The following TTLL3 variants were observed in gnomAD, a reference collection of about 807,000 sequenced individuals.
TTLL3 encodes tubulin tyrosine ligase like 3, also known as tubulin monoglycylase TTLL3.
In TTLL3, 63 loss-of-function variants were observed where a neutral mutation model predicts 75.2. The ratio of observed to expected loss-of-function variants is 0.84; its 90% CI spans 0.68 to 1.03. TTLL3 has a LOEUF of 1.03. Among genes scored for constraint, TTLL3 ranks in the 50% least tolerant of loss-of-function variants. TTLL3 has a pLI of 0.00. For synonymous variants in TTLL3, 393 were observed against 418.5 expected (o/e 0.94, Z 0.74); for missense variants, 997 against 1,069.9 (o/e 0.93, Z 0.95).
chr3:9,828,569 C>A, intron 10 of TTLL3: 1 of 204,180 alleles, frequency 4.9e-6, no homozygotes, highest in African/African-American at 2.3e-5. Context: ...ATGTGAAGAG[C>A]ACACAGGTTA....
chr3:9,833,084 TCTC>T lies in TTLL3; in HGVS notation c.1684-16_1684-14del, dbSNP rs773961349. ...AGTACCACTGACTGAGTGGGCCTTGTCTCCTCTTCTTGCCCACAGCCTGCTGTG... is the reference window on the plus strand; with the variant it reads ...AGTACCACTGACTGAGTGGGCCTTGTCTCTTCTTGCCCACAGCCTGCTGTG... On this transcript the variant is annotated splice_polypyrimidine_tract_variant and intron_variant, in intron 11 of 13. Transcript: ENST00000685419. The T allele has an allele frequency of 6.2e-7, 1 of 1,613,788 alleles. No individual in the cohort carries two copies. The highest frequency in any genetic ancestry group is 1.1e-5 in the South Asian group (1 of 91,082).
Position 9,825,879 on chromosome 3 carries a change from C to A in TTLL3, c.934C>A (p.Pro312Thr), listed in dbSNP as rs867794420. 6 of 1,614,150 alleles carry A rather than the reference C, an allele frequency of 3.7e-6. No individual in the cohort carries two copies. Among genetic ancestry groups the A allele is most frequent in the Middle Eastern group, 1.6e-4 (1 of 6,062 alleles). Reference protein sequence around the residue: ...DILQQLQAVVPQIDMEGDRNI... With the variant: ...DILQQLQAVVTQIDMEGDRNI... ...CCTGCAGCAGCTGCAGGCCGTGGTA[C>A]CCCAGATAGACATGGAAGGGGATCG... is the stretch of plus-strand genomic sequence containing the variant. Residue 312 changes from proline to threonine, a missense_variant, in exon 9 of 14, where the codon CCC becomes ACC. Transcript: ENST00000685419.
chr3:9,811,662 C>G (rs780062200), intron 2 of TTLL3, among the ~76,000 whole-genome samples: 3 of 152,196 alleles, frequency 2.0e-5, no homozygotes, highest in Admixed American at 6.5e-5. Context: ...TTGCTCATGA[C>G]ACTCTTAGTA....
chr3:9,826,325 A>G (rs2081036882), intron 9 of TTLL3, among the ~76,000 whole-genome samples: 1 of 152,236 alleles, frequency 6.6e-6, no homozygotes, highest in African/African-American at 2.4e-5. Flanking sequence ...GGCTGCCTCT[A>G]GACAAGGAGA....
In TTLL3 at chr3:9,817,635, A is replaced by G. The variant is rs1384493098; in HGVS notation, c.445-10A>G. 1.9e-6 allele frequency: 3 copies of G among 1,613,940 alleles called. No individual in the cohort carries two copies. The highest frequency in any genetic ancestry group is 2.2e-5 in the South Asian group (2 of 91,068). ...GTCCTGCCCTGCCCTCTCAGTGGCT[A>G]ACTCCGTAGGTGGGTCTATGTCTCA... On this transcript the variant is annotated splice_polypyrimidine_tract_variant and intron_variant, in intron 5 of 13. Transcript: ENST00000685419.
In TTLL3 at chr3:9,820,893, G is replaced by T. The variant is rs146391087; in HGVS notation, c.854+152G>T. ...ACCCTCGAGGACTCCCACTGCCTCC[G>T]TGATAGGGTCTGGGCCACTTTTCTT... On this transcript the variant is annotated intron_variant, in intron 8 of 13. Coordinates refer to ENST00000685419, the MANE Select transcript of TTLL3 (RefSeq NM_001387446.1). 3 of 1,333,280 alleles carry T rather than the reference G, an allele frequency of 2.3e-6. No individual in the cohort carries two copies. In the African/African-American group the frequency reaches 4.4e-5, roughly 20 times the overall value. 82.6% of individuals were successfully genotyped at this position (1,333,280 alleles called of 1,614,324 possible). A position where few individuals can be genotyped will look rare whatever the true frequency, so the allele number is the denominator to read the frequency against.
chr3:9,835,531 C>A lies in TTLL3; in HGVS notation c.*42C>A, dbSNP rs11921058. The stretch of plus-strand genomic sequence containing the variant: ...TCCGTGCAGCGAGGCCCAGAATTCC[C>A]ACCTAAGGACAGACATGGGGCTTCC... On this transcript the variant is annotated 3_prime_UTR_variant, in exon 14 of 14. Transcript: ENST00000685419. 2.0e-6 allele frequency: 3 copies of A among 1,523,518 alleles called. No homozygotes were observed. Among genetic ancestry groups the A allele is most frequent in the Admixed American group, 4.2e-5 (2 of 47,234 alleles). The allele number at this position is 1,523,518 out of a possible 1,614,324, so 94.4% of individuals were successfully genotyped here.
In TTLL3 at chr3:9,835,423, T is replaced by C; in HGVS notation, c.2382T>C (p.Ile794=). 1 of 1,612,926 alleles carries C rather than the reference T, an allele frequency of 6.2e-7. No individual in the cohort carries two copies. Among genetic ancestry groups the C allele is most frequent in the Non-Finnish European group, 8.5e-7 (1 of 1,179,974 alleles). ...KQVKYLGLDS[I]AVGGSRVDGA... ...TGAAGTATTTGGGGCTTGACTCCAT[T>C]GCTGTTGGAGGGTCAAGAGTGGATG... The change falls in exon 14 of 14, where the codon ATT becomes ATC. Residue 794 remains isoleucine, a synonymous_variant. Transcript: ENST00000685419.
intron 10 of TTLL3, 112 bp from the exon 11 acceptor site, chr3:9,828,848 G>A (rs950798454): frequency 7.2e-7 from 1 of 1,388,404 alleles, no homozygotes; most frequent in Non-Finnish European, 9.8e-7. Flanking sequence ...CCCATCTCAA[G>A]TTGAATAGTG....
At position 9,823,312 on chromosome 3, in the gene TTLL3, A is replaced by G. The variant is rs1301077580; in HGVS notation, c.855-2488A>G. On this transcript the variant is annotated intron_variant, in intron 8 of 13. Coordinates refer to ENST00000685419, the MANE Select transcript of TTLL3 (RefSeq NM_001387446.1). ...GGCAGGAGAATGGCGTGAACCCAGA[A>G]GGCGGAGCTTGCAGTGAGCCGAGAT... 2.0e-5 allele frequency among the ~76,000 whole-genome samples: 3 copies of G among 151,834 alleles called. No homozygotes were observed. The East Asian group carries it at 5.8e-4, about 29-fold the overall frequency.
rs1009843314 is a variant in TTLL3 at position 9,836,006 on chromosome 3, T to G, written c.*517T>G. On this transcript the variant is annotated 3_prime_UTR_variant, in exon 14 of 14. Coordinates refer to ENST00000685419, the MANE Select transcript of TTLL3 (RefSeq NM_001387446.1). ...TACTTGGACCCTGTGAATGTGACCT[T>G]ATGTGGGAAAAGAGTCTTTGTAGCT... 3 of 152,684 alleles carry G rather than the reference T, an allele frequency of 2.0e-5. No homozygotes were observed. Among genetic ancestry groups the G allele is most frequent in the Admixed American group, 6.5e-5 (1 of 15,288 alleles). 9.5% of individuals were successfully genotyped at this position (152,684 alleles called of 1,614,324 possible). A position where few individuals can be genotyped will look rare whatever the true frequency, so the allele number is the denominator to read the frequency against.
chr3:9,822,734 A>AG (rs2080578578), intron 8 of TTLL3, among the ~76,000 whole-genome samples: 1 of 101,056 alleles, frequency 9.9e-6, no homozygotes, highest in Non-Finnish European at 2.0e-5. Context: ...TATATTATGT[A>AG]TTATATATAT....
intron 6 of TTLL3, chr3:9,818,593 C>T: frequency 8.0e-7 from 1 of 1,253,484 alleles, no homozygotes; most frequent in Non-Finnish European, 1.0e-6. Flanking sequence ...TGGTCTCGAT[C>T]TCCTGACCTC....
At chr3:9,831,821 CAG>C (rs1409805878) in intron 11 of TTLL3, among the ~76,000 whole-genome samples, 2 of 126,376 alleles carry the variant, frequency 1.6e-5, no homozygotes, top group South Asian at 2.5e-4. Context: ...TTTTTTTAGA[CAG>C]AGTCTCACTC....
intron 8 of TTLL3, chr3:9,825,356 T>G (rs1470749015): frequency 1.6e-4 from 23 of 142,540 alleles, no homozygotes; most frequent in African/African-American, 2.1e-4. Context: ...AAAAAAAAAG[T>G]CGGGGGGTAG....
intron 8 of TTLL3, among the ~76,000 whole-genome samples, chr3:9,821,542 T>A (rs2124849822): frequency 6.6e-6 from 1 of 152,248 alleles, no homozygotes; most frequent in East Asian, 1.9e-4. Context: ...ATAGATTTAA[T>A]TACTCAGTAG....
chr3:9,822,388 T>G (rs2124867430), intron 8 of TTLL3, among the ~76,000 whole-genome samples: 1 of 151,910 alleles, frequency 6.6e-6, no homozygotes. Flanking sequence ...TTATTTCTGG[T>G]GTGTGGGGGC....
chr3:9,818,445 T>A (rs183989519), intron 6 of TTLL3: 1 of 184,566 alleles, frequency 5.4e-6, no homozygotes, highest in African/African-American at 2.4e-5. Context: ...CTTGGCTCAC[T>A]GCAAGCTCCG....
chr3:9,817,919 C>T, intron 6 of TTLL3, 160 bp downstream of exon 6: 1 of 939,208 alleles, frequency 1.1e-6, no homozygotes, highest in Non-Finnish European at 1.6e-6. Flanking sequence ...CCCTAATGTG[C>T]CCTCCCTTAA....
Sources: gnomAD v4.1 joint callset for allele counts (sites outside exome capture counted in the v4.1 genomes callset) on GRCh38, gnomAD v4.1.1 for gene constraint, MANE v1.5 for transcripts, NCBI Gene and HGNC (gene_info 2026-07-23, HGNC 2026-07-21) for gene names.